ULK4: variants seen among roughly 807,000 people sequenced by gnomAD.
ULK4 encodes the protein unc-51 like kinase 4, also known as inactive serine/threonine-protein kinase ULK4.
A neutral mutation model predicts 160.6 loss-of-function variants in ULK4; 133 were observed. That is an observed-to-expected ratio of 0.83 (90% confidence interval 0.72 to 0.96). ULK4 has a LOEUF of 0.96. Among genes scored for constraint, ULK4 ranks in the 40% least tolerant of loss-of-function variants. ULK4 has a pLI of 0.00. For missense variants in ULK4, 1,580 were observed against 1,499.5 expected, an observed-to-expected ratio of 1.05 and a Z score of -0.89; for synonymous variants, 534 against 539.8, an observed-to-expected ratio of 0.99 and a Z score of 0.15.
intron 32 of ULK4, among the ~76,000 whole-genome samples, chr3:41,519,666 C>T (rs1179536292): frequency 6.6e-6 from 1 of 152,066 alleles, no homozygotes; most frequent in East Asian, 1.9e-4. Flanking sequence ...ACAGTGCGCA[C>T]ACGAATAAAA....
intron 32 of ULK4, among the ~76,000 whole-genome samples, chr3:41,475,117 A>C (rs929783809): frequency 2.6e-5 from 4 of 152,194 alleles, no homozygotes; most frequent in African/African-American, 9.6e-5. Context: ...TAAAAGGATA[A>C]AGAAAATGTG....
intron 30 of ULK4, among the ~76,000 whole-genome samples, chr3:41,655,424 GC>G (rs1473389408): frequency 5.3e-5 from 8 of 151,682 alleles, no homozygotes; most frequent in Admixed American, 1.3e-4. Flanking sequence ...TATACCTAAT[GC>G]TAAATGACGA....
intron 21 of ULK4, among the ~76,000 whole-genome samples, chr3:41,759,175 T>C (rs1219872986): frequency 1.3e-5 from 2 of 152,150 alleles, no homozygotes; most frequent in African/African-American, 2.4e-5. Flanking sequence ...TACTGAAAGC[T>C]ATAGCCAGTA....
intron 35 of ULK4, among the ~76,000 whole-genome samples, chr3:41,261,643 G>A (rs1332481758): frequency 2.0e-5 from 3 of 152,230 alleles, no homozygotes; most frequent in South Asian, 2.1e-4. Context: ...ATTGCATAGC[G>A]CCCTTTGCTC....
chr3:41,712,813 G>A (rs772324947), intron 25 of ULK4, among the ~76,000 whole-genome samples: 24 of 152,010 alleles, frequency 1.6e-4, no homozygotes, highest in Admixed American at 5.2e-4. Context: ...GATTGCTTGC[G>A]CCTGGGAGGC....
chr3:41,675,740 C>G (rs750493534), intron 29 of ULK4, among the ~76,000 whole-genome samples: 2 of 152,064 alleles, frequency 1.3e-5, no homozygotes, highest in Non-Finnish European at 2.9e-5. Context: ...AAAGCAGAAG[C>G]ACAAATTGGA....
chr3:41,495,853 G>A (rs2084970018), intron 32 of ULK4, among the ~76,000 whole-genome samples: 1 of 151,800 alleles, frequency 6.6e-6, no homozygotes, highest in Non-Finnish European at 1.5e-5. Flanking sequence ...GGCCATCAGA[G>A]AAATGCAAAT....
At chr3:41,658,421 C>T (rs1189888117) in intron 30 of ULK4, among the ~76,000 whole-genome samples, 2 of 152,268 alleles carry the variant, frequency 1.3e-5, no homozygotes, top group East Asian at 1.9e-4. Context: ...AAATCGCTTG[C>T]TTAAATATCT....
chr3:41,609,781 G>A (rs1235108550), intron 31 of ULK4, among the ~76,000 whole-genome samples: 2 of 152,066 alleles, frequency 1.3e-5, no homozygotes, highest in Non-Finnish European at 2.9e-5. Flanking sequence ...AGACCAGCCT[G>A]GTGAACATAG....
At chr3:41,940,126 C>T (rs1412537912) in intron 2 of ULK4, among the ~76,000 whole-genome samples, 1 of 151,964 alleles carries the variant, frequency 6.6e-6, no homozygotes, top group Non-Finnish European at 1.5e-5. Flanking sequence ...GAAAGGACCC[C>T]CAAGCCTCTC....
At chr3:41,415,764 T>G (rs1245043844) in intron 34 of ULK4, among the ~76,000 whole-genome samples, 3 of 152,078 alleles carry the variant, frequency 2.0e-5, no homozygotes, top group Non-Finnish European at 2.9e-5. Flanking sequence ...CACTCGTCAC[T>G]CCTAGAAATG....
chr3:41,510,890 A>G (rs1345853691), intron 32 of ULK4, among the ~76,000 whole-genome samples: 2 of 152,272 alleles, frequency 1.3e-5, no homozygotes, highest in East Asian at 3.9e-4. Flanking sequence ...GGACGGGCGC[A>G]GTGGCTCATG....
chr3:41,618,187 T>TA (rs1444023100), intron 30 of ULK4, among the ~76,000 whole-genome samples: 3 of 152,106 alleles, frequency 2.0e-5, no homozygotes, highest in Non-Finnish European at 4.4e-5. Context: ...GGAACAAAGT[T>TA]AAAAAACATA....
intron 17 of ULK4, among the ~76,000 whole-genome samples, chr3:41,852,948 T>C (rs1016669): frequency 0.31 from 47,845 of 151,942 alleles, 11,076 homozygotes; most frequent in African/African-American, 0.66. Context: ...GAGAATCAAA[T>C]CAAGTCTCAA....
chr3:41,684,202 GAAAGGCAA>G (rs1467002483), intron 27 of ULK4, among the ~76,000 whole-genome samples: 3 of 152,230 alleles, frequency 2.0e-5, no homozygotes, highest in Non-Finnish European at 4.4e-5. Flanking sequence ...AAGCTACACA[GAAAGGCAA>G]CCCAGAAATC....
At chr3:41,807,374 T>G (rs2040678361) in intron 19 of ULK4, among the ~76,000 whole-genome samples, 1 of 152,166 alleles carries the variant, frequency 6.6e-6, no homozygotes, top group South Asian at 2.1e-4. Flanking sequence ...TTTACATTGC[T>G]TGGTTTGTTA....
At chr3:41,570,899 G>A (rs541643451) in intron 31 of ULK4, among the ~76,000 whole-genome samples, 2 of 152,058 alleles carry the variant, frequency 1.3e-5, no homozygotes, top group Admixed American at 1.3e-4. Flanking sequence ...ATCTGCAGAG[G>A]GGTATAAAAC....
intron 16 of ULK4, among the ~76,000 whole-genome samples, chr3:41,890,744 G>GA (rs1315161346): frequency 9.1e-3 from 12 of 1,324 alleles, no homozygotes; most frequent in Non-Finnish European, 0.031. Flanking sequence ...GAAGGGACAG[G>GA]AGGGACGGGA....
intron 15 of ULK4, among the ~76,000 whole-genome samples, chr3:41,896,564 T>A (rs1459768427): frequency 6.6e-6 from 1 of 151,776 alleles, no homozygotes; most frequent in South Asian, 2.1e-4. Context: ...TGATTTCAGA[T>A]TTTTTTTTAA....
Sources: allele counts gnomAD v4.1 joint callset (sites outside exome capture counted in the v4.1 genomes callset), GRCh38; gene constraint gnomAD v4.1.1; transcripts MANE v1.5; gene names NCBI Gene and HGNC (gene_info 2026-07-23, HGNC 2026-07-21).